CTCF: variants seen among roughly 807,000 people sequenced by gnomAD.
CTCF encodes CCCTC-binding factor, also known as transcriptional repressor CTCF.
CTCF carries 7 observed loss-of-function variants against 72.3 expected under a neutral mutation model. That is an observed-to-expected ratio of 0.10 (90% CI 0.06 to 0.18). CTCF has a LOEUF of 0.18. CTCF is among the 10% of genes least tolerant of loss of function. The probability of loss-of-function intolerance (pLI) is 1.00; values close to 1 mark genes in which losing one functional copy is unlikely to be tolerated. For missense variants in CTCF, 516 were observed against 949.1 expected, an observed-to-expected ratio of 0.54 and a Z score of 6.00; for synonymous variants, 374 against 315.8, an observed-to-expected ratio of 1.18 and a Z score of -1.95.
rs539448283 is a variant in CTCF at position 67,565,457 on chromosome 16, G to A, written c.-127+2733G>A. Among the ~76,000 whole-genome samples the A allele has an allele frequency of 1.6e-4, 25 of 152,026 alleles. No individual in the cohort carries two copies. In the East Asian group the frequency reaches 4.7e-3, roughly 28 times the overall value. ...TGGGTGACCAAGGCGGGAGAATCAC[G>A]AGGTCAGGAGATTGAGACCATCCTG... On this transcript the variant is annotated intron_variant, in intron 1 of 11. Transcript: ENST00000264010.
chr16:67,593,211 C>T (rs1057191163), intron 2 of CTCF, among the ~76,000 whole-genome samples: 6 of 151,540 alleles, frequency 4.0e-5, no homozygotes, highest in Non-Finnish European at 5.9e-5. Context: ...ATTTTAGATT[C>T]GGGGGTACAT....
intron 2 of CTCF, among the ~76,000 whole-genome samples, chr16:67,606,862 A>C (rs2142809279): frequency 6.7e-6 from 1 of 150,348 alleles, no homozygotes; most frequent in Middle Eastern, 3.4e-3. Context: ...TCCAGGCTTC[A>C]AGCAATTCTC....
At chr16:67,602,724 C>T (rs1420099109) in intron 2 of CTCF, among the ~76,000 whole-genome samples, 1 of 151,560 alleles carries the variant, frequency 6.6e-6, no homozygotes, top group Non-Finnish European at 1.5e-5. Flanking sequence ...GCCTGTAATC[C>T]CAGCTACTCG....
intron 1 of CTCF, chr16:67,570,807 A>G (rs1349119986): frequency 7.0e-6 from 1 of 143,766 alleles, no homozygotes; most frequent in Non-Finnish European, 1.5e-5. Context: ...ATGCAGTGGC[A>G]CAATCTCAGC....
At chr16:67,597,210 A>T (rs942910844) in intron 2 of CTCF, among the ~76,000 whole-genome samples, 2 of 151,822 alleles carry the variant, frequency 1.3e-5, no homozygotes, top group African/African-American at 4.8e-5. Context: ...GACTTTTTGT[A>T]TTTTTAGTAT....
chr16:67,632,718 C>T (rs1227814108), intron 10 of CTCF, among the ~76,000 whole-genome samples: 1 of 152,182 alleles, frequency 6.6e-6, no homozygotes, highest in East Asian at 1.9e-4. Context: ...CAATAGAGGG[C>T]TTGAAGAAGT....
At chr16:67,605,603 T>C (rs547313021) in intron 2 of CTCF, among the ~76,000 whole-genome samples, 70 of 152,350 alleles carry the variant, frequency 4.6e-4, no homozygotes, top group Middle Eastern at 3.4e-3. Context: ...TGTCCAAAAG[T>C]ATATGTTGCT....
chr16:67,631,072 G>A (rs1189844568), intron 10 of CTCF, among the ~76,000 whole-genome samples: 4 of 152,068 alleles, frequency 2.6e-5, no homozygotes, highest in Admixed American at 1.3e-4. Flanking sequence ...AGTAGAAATA[G>A]TGGGGAGGGG....
At chr16:67,601,039 A>G (rs1340687267) in intron 2 of CTCF, among the ~76,000 whole-genome samples, 2 of 152,116 alleles carry the variant, frequency 1.3e-5, no homozygotes, top group African/African-American at 4.8e-5. Context: ...AGCAGTAAAG[A>G]AAGGAGATGG....
chr16:67,630,867 G>T (rs1318564534), intron 10 of CTCF, among the ~76,000 whole-genome samples: 1 of 152,208 alleles, frequency 6.6e-6, no homozygotes, highest in Non-Finnish European at 1.5e-5. Context: ...AGATTCTGTA[G>T]TGTGGATATC....
chr16:67,583,752 AC>A (rs2051622618), intron 2 of CTCF, among the ~76,000 whole-genome samples: 1 of 152,066 alleles, frequency 6.6e-6, no homozygotes, highest in Non-Finnish European at 1.5e-5. Flanking sequence ...GCAAGAGTAT[AC>A]AGTGATTAAT....
At chr16:67,606,872 C>T (rs987532781) in intron 2 of CTCF, among the ~76,000 whole-genome samples, 7 of 150,656 alleles carry the variant, frequency 4.6e-5, no homozygotes, top group South Asian at 2.1e-4. Flanking sequence ...AAGCAATTCT[C>T]GAGCCTCACT....
At chr16:67,605,663 T>C (rs535834040) in intron 2 of CTCF, among the ~76,000 whole-genome samples, 34 of 152,066 alleles carry the variant, frequency 2.2e-4, no homozygotes, top group Admixed American at 1.5e-3. Context: ...ACTGGGAAAA[T>C]AGATCGTTTT....
chr16:67,637,601 C>T, intron 11 of CTCF, 87 bp from the exon 12 acceptor site: 1 of 1,102,024 alleles, frequency 9.1e-7, no homozygotes, highest in Non-Finnish European at 1.3e-6. Context: ...GCATTGCTGA[C>T]ATCCCGTTCG....
chr16:67,595,236 T>A (rs1436454219), intron 2 of CTCF, among the ~76,000 whole-genome samples: 1 of 150,796 alleles, frequency 6.6e-6, no homozygotes, highest in African/African-American at 2.4e-5. Context: ...TTCCTTTGAC[T>A]CACCTCAAAC....
intron 2 of CTCF, among the ~76,000 whole-genome samples, chr16:67,577,356 TCAA>T (rs2051511265): frequency 8.9e-6 from 1 of 112,276 alleles, no homozygotes; most frequent in African/African-American, 3.5e-5. Flanking sequence ...AGGCTCTGTC[TCAA>T]AAAAAAAAAA....
intron 2 of CTCF, among the ~76,000 whole-genome samples, chr16:67,604,730 GTTTT>G (rs533827293): frequency 1.9e-4 from 23 of 123,750 alleles, no homozygotes; most frequent in Non-Finnish European, 3.5e-4. Flanking sequence ...TTTCACCAGG[GTTTT>G]TTTTTTTTTT....
At chr16:67,584,509 G>A (rs1297504199) in intron 2 of CTCF, among the ~76,000 whole-genome samples, 2 of 151,612 alleles carry the variant, frequency 1.3e-5, no homozygotes, top group Non-Finnish European at 2.9e-5. Flanking sequence ...TGTACTTTTA[G>A]TAGAGACAGG....
intron 2 of CTCF, among the ~76,000 whole-genome samples, chr16:67,584,444 G>A (rs1179053081): frequency 6.9e-6 from 1 of 145,914 alleles, no homozygotes; most frequent in African/African-American, 2.6e-5. Flanking sequence ...AGGTTCAAGC[G>A]ATTCTCCTGC....
Sources: gnomAD v4.1 joint callset for allele counts (sites outside exome capture counted in the v4.1 genomes callset) on GRCh38, gnomAD v4.1.1 for gene constraint, MANE v1.5 for transcripts, NCBI Gene and HGNC (gene_info 2026-07-23, HGNC 2026-07-21) for gene names.